RBM20: variants seen among roughly 807,000 people sequenced by gnomAD.
RBM20 encodes RNA binding motif protein 20.
A neutral mutation model predicts 110.1 loss-of-function variants in RBM20; 51 were observed. The observed-to-expected ratio is 0.46, with a 90% CI of 0.37 to 0.59. The LOEUF is 0.59. Ranked by LOEUF, RBM20 falls within the 20% of genes least tolerant of loss-of-function variation. The probability of loss-of-function intolerance (pLI) is 0.00; values close to 1 mark genes in which losing one functional copy is unlikely to be tolerated. For missense variants in RBM20, 1,512 were observed against 1,574.9 expected (o/e 0.96, Z 0.68); for synonymous variants, 589 against 618.2 (o/e 0.95, Z 0.70).
intron 1 of RBM20, among the ~76,000 whole-genome samples, chr10:110,681,390 CTTTATA>C (rs952446151): frequency 2.6e-5 from 4 of 152,198 alleles, no homozygotes; most frequent in African/African-American, 9.7e-5. Context: ...TTGTTTAGTA[CTTTATA>C]TTTAAGTACA....
chr10:110,665,110 C>T (rs1480440409), intron 1 of RBM20, among the ~76,000 whole-genome samples: 7 of 152,070 alleles, frequency 4.6e-5, no homozygotes, highest in East Asian at 1.9e-4. Flanking sequence ...CTCCTGGCTT[C>T]GGTGATCTTC....
In RBM20 at chr10:110,763,662, G is replaced by A. The variant is rs191095958; in HGVS notation, c.192-17139G>A. Among the ~76,000 whole-genome samples the A allele has an allele frequency of 2.4e-3, 362 of 151,892 alleles. 1 individual carries two copies. Among genetic ancestry groups the A allele is most frequent in the Non-Finnish European group, 3.9e-3 (266 of 67,970 alleles). On this transcript the variant is annotated intron_variant, in intron 1 of 13. Coordinates refer to ENST00000369519, the MANE Select transcript of RBM20 (RefSeq NM_001134363.3). ...GTTGGCAGGAGAACGGTGGCTCCTCGGAAGAAAAGTTACATTTCTAAGTAA... is the reference window on the plus strand; with the variant it reads ...GTTGGCAGGAGAACGGTGGCTCCTCAGAAGAAAAGTTACATTTCTAAGTAA...
At chr10:110,752,849 G>A (rs1355376885) in intron 1 of RBM20, among the ~76,000 whole-genome samples, 2 of 146,628 alleles carry the variant, frequency 1.4e-5, no homozygotes, top group Non-Finnish European at 3.0e-5. Context: ...TTTACCACTT[G>A]TGTTTCTATT....
chr10:110,804,682 A>C (rs1283762796), intron 7 of RBM20, among the ~76,000 whole-genome samples: 1 of 152,348 alleles, frequency 6.6e-6, no homozygotes, highest in South Asian at 2.1e-4. Flanking sequence ...GAACAACAAA[A>C]AGTGAGTAGC....
chr10:110,762,182 T>C (rs1844013540), intron 1 of RBM20, among the ~76,000 whole-genome samples: 1 of 152,248 alleles, frequency 6.6e-6, no homozygotes, highest in African/African-American at 2.4e-5. Context: ...AGCTTCAATG[T>C]TCTAATCTGT....
chr10:110,828,462 G>C (rs1187019260), intron 12 of RBM20, among the ~76,000 whole-genome samples: 1 of 151,412 alleles, frequency 6.6e-6, no homozygotes, highest in African/African-American at 2.5e-5. Context: ...TTGCAGAGCA[G>C]GGGCCAGGGA....
chr10:110,712,065 G>A lies in RBM20; in HGVS notation c.191+67420G>A, dbSNP rs542625664. Among the ~76,000 whole-genome samples the A allele has an allele frequency of 7.2e-5, 11 of 152,302 alleles. No homozygotes were observed. In the East Asian group the frequency reaches 2.1e-3, roughly 29 times the overall value. On this transcript the variant is annotated intron_variant, in intron 1 of 13. Coordinates refer to ENST00000369519, the MANE Select transcript of RBM20 (RefSeq NM_001134363.3). ...TAAGAAGTGATAAGATCCAAGTATG[G>A]AAGTAGCATTTTATTTTCTTTTTTC...
chr10:110,666,016 A>AGAGAGAGG (rs1294524998), intron 1 of RBM20, among the ~76,000 whole-genome samples: 48 of 148,902 alleles, frequency 3.2e-4, no homozygotes, highest in South Asian at 2.6e-3. Context: ...AGAGAGAGAG[A>AGAGAGAGG]GGGGAAGGAA....
chr10:110,754,823 C>T (rs1288625091), intron 1 of RBM20, among the ~76,000 whole-genome samples: 1 of 152,160 alleles, frequency 6.6e-6, no homozygotes, highest in Non-Finnish European at 1.5e-5. Context: ...GGTTTCTGCT[C>T]TCTGCTGTTT....
intron 6 of RBM20, among the ~76,000 whole-genome samples, chr10:110,799,134 G>A (rs952063209): frequency 6.6e-6 from 1 of 152,104 alleles, no homozygotes; most frequent in African/African-American, 2.4e-5. Flanking sequence ...TTTTTATAAG[G>A]AAAGTAGAAC....
At chr10:110,648,166 T>A (rs1379952652) in intron 1 of RBM20, among the ~76,000 whole-genome samples, 2 of 152,328 alleles carry the variant, frequency 1.3e-5, no homozygotes, top group East Asian at 1.9e-4. Context: ...TGATGGCTAG[T>A]GTTACCTGCG....
intron 1 of RBM20, among the ~76,000 whole-genome samples, chr10:110,709,673 C>T (rs1862894402): frequency 6.6e-6 from 1 of 151,270 alleles, no homozygotes; most frequent in Admixed American, 6.6e-5. Flanking sequence ...CTCAGGTGAT[C>T]CTCCCTTCTC....
intron 1 of RBM20, among the ~76,000 whole-genome samples, chr10:110,672,491 C>G (rs1862275962): frequency 6.6e-6 from 1 of 152,260 alleles, no homozygotes; most frequent in Non-Finnish European, 1.5e-5. Flanking sequence ...CTCCCTCGCC[C>G]GGCGGAGCTT....
intron 6 of RBM20, 98 bp downstream of exon 6, chr10:110,797,746 A>C: frequency 7.7e-7 from 1 of 1,302,362 alleles, no homozygotes; most frequent in South Asian, 1.4e-5. Context: ...CTTAACATAA[A>C]GAGGCGATGC....
In RBM20 at chr10:110,813,042, G is replaced by A. The variant is rs188934950; in HGVS notation, c.2550+95G>A. ...GAGGATGAACGTTTATTGAATGAAT[G>A]AACATTTACTGGCTATTTACTATGC... On this transcript the variant is annotated intron_variant, in intron 9 of 13. Transcript: ENST00000369519. 16 of 891,042 alleles carry A rather than the reference G, an allele frequency of 1.8e-5. No homozygotes were observed. The African/African-American group carries it at 2.7e-4, about 15-fold the overall frequency. The allele number at this position is 891,042 out of a possible 1,614,324, so 55.2% of individuals were successfully genotyped here.
chr10:110,672,525 C>T (rs1163773783), intron 1 of RBM20, among the ~76,000 whole-genome samples: 1 of 152,236 alleles, frequency 6.6e-6, no homozygotes, highest in East Asian at 1.9e-4. Context: ...CCAAAGCCCC[C>T]GGGGCGGTGC....
At chr10:110,704,057 A>G (rs1378698364) in intron 1 of RBM20, among the ~76,000 whole-genome samples, 1 of 152,266 alleles carries the variant, frequency 6.6e-6, no homozygotes, top group Non-Finnish European at 1.5e-5. Context: ...GGTTGCAGTA[A>G]GCTGAGATCA....
chr10:110,746,484 C>T (rs1197296630), intron 1 of RBM20, among the ~76,000 whole-genome samples: 1 of 152,216 alleles, frequency 6.6e-6, no homozygotes, highest in Non-Finnish European at 1.5e-5. Flanking sequence ...GGTTGCTCAA[C>T]TGGTAAGACC....
At chr10:110,813,443 G>T (rs1413378861) in intron 9 of RBM20, among the ~76,000 whole-genome samples, 1 of 152,126 alleles carries the variant, frequency 6.6e-6, no homozygotes, top group African/African-American at 2.4e-5. Flanking sequence ...ACCAGTCCTG[G>T]AACTCTGAGG....
Sources: allele counts gnomAD v4.1 joint callset (sites outside exome capture counted in the v4.1 genomes callset), GRCh38; gene constraint gnomAD v4.1.1; transcripts MANE v1.5; gene names NCBI Gene and HGNC (gene_info 2026-07-23, HGNC 2026-07-21).